Variants in HKDC1 observed in about 807,000 individuals in gnomAD.
HKDC1 encodes hexokinase domain containing 1.
A neutral mutation model predicts 96.6 loss-of-function variants in HKDC1; 66 were observed. That is an observed-to-expected ratio of 0.68 (90% CI 0.56 to 0.84). The LOEUF (loss-of-function observed/expected upper bound fraction) is 0.84, where lower values mean the gene tolerates loss of function less well. HKDC1 is among the 40% of genes least tolerant of loss of function. The pLI is 0.00. For synonymous variants in HKDC1, 466 were observed against 473.1 expected (o/e 0.98, Z 0.20); for missense variants, 1,211 against 1,208.1 (o/e 1.00, Z -0.04).
intron 10 of HKDC1, among the ~76,000 whole-genome samples, chr10:69,249,504 T>G (rs1843601300): frequency 6.6e-6 from 1 of 152,194 alleles, no homozygotes. Flanking sequence ...TTTTTATTTT[T>G]ATTTTTTTTG....
chr10:69,265,196 T>G, intron 16 of HKDC1: 1 of 190,618 alleles, frequency 5.2e-6, no homozygotes, highest in South Asian at 1.1e-4. Flanking sequence ...GTGCGAGAGG[T>G]GGTGTGAAAA....
rs1179731003 is a variant in HKDC1, at chr10:69,250,539, G to A, written c.1723G>A (p.Asp575Asn). 6.2e-7 allele frequency: 1 copy of A among 1,614,030 alleles called. No individual in the cohort carries two copies. The change falls in exon 12 of 18, where the codon GAT becomes AAT. Residue 575 changes from aspartate to asparagine, a missense_variant. Asp to Asn is a conservative substitution (Grantham distance 23). Transcript: ENST00000354624. ...IMQGTGEELF[D>N]HIVQCIADFL... ...GCTCTCTCTCTCTCTGCAGCTCTTT[G>A]ATCACATTGTGCAGTGCATCGCCGA... is the stretch of plus-strand genomic sequence containing the variant.
intron 12 of HKDC1, among the ~76,000 whole-genome samples, chr10:69,251,676 T>G (rs897894341): frequency 6.6e-6 from 1 of 152,194 alleles, no homozygotes; most frequent in Non-Finnish European, 1.5e-5. Context: ...CCTTTGTAGT[T>G]TTCAGAGTAA....
chr10:69,230,849 C>A (rs1277698493), intron 2 of HKDC1, among the ~76,000 whole-genome samples: 1 of 152,132 alleles, frequency 6.6e-6, no homozygotes, highest in Non-Finnish European at 1.5e-5. Flanking sequence ...GAACTCTTGG[C>A]AAGGGATTAA....
At chr10:69,224,665 G>A (rs10998653) in intron 1 of HKDC1, among the ~76,000 whole-genome samples, 4 of 152,326 alleles carry the variant, frequency 2.6e-5, no homozygotes, top group East Asian at 1.9e-4. Flanking sequence ...GTCAAAGAGC[G>A]GAATTTTTTA....
chr10:69,234,392 G>GT (rs1284287023), intron 4 of HKDC1, among the ~76,000 whole-genome samples: 4 of 152,194 alleles, frequency 2.6e-5, no homozygotes, highest in African/African-American at 9.6e-5. Context: ...TGAGCCTCTT[G>GT]TTTTCTCTTT....
intron 7 of HKDC1, 58 bp from the exon 8 acceptor site, chr10:69,246,021 G>C: frequency 6.3e-7 from 1 of 1,594,638 alleles, no homozygotes; most frequent in Non-Finnish European, 8.6e-7. Context: ...TGGTCTTCGG[G>C]AAATGATGCA....
chr10:69,257,382 C>T lies in HKDC1; in HGVS notation c.1988C>T (p.Thr663Ile), dbSNP rs1843736885. The T allele has an allele frequency of 3.1e-6, 5 of 1,614,036 alleles. No individual in the cohort carries two copies. Among genetic ancestry groups the T allele is most frequent in the Non-Finnish European group, 4.2e-6 (5 of 1,179,940 alleles). Reference protein sequence around the residue: ...VVNDTVGTMMTCGYEDPNCEI... With the variant: ...VVNDTVGTMMICGYEDPNCEI... Reference sequence around the variant, plus strand: ...AATGATACAGTGGGGACCATGATGACCTGTGGCTATGAAGATCCTAATTGT... The same window carrying T: ...AATGATACAGTGGGGACCATGATGATCTGTGGCTATGAAGATCCTAATTGT... The change falls in exon 14 of 18, where the codon ACC (threonine) becomes ATC (isoleucine). Residue 663 changes from threonine to isoleucine, a missense_variant. By Grantham distance (89) the Thr-to-Ile change is moderately conservative. Transcript: ENST00000354624.
rs114909334 is a variant in HKDC1, at chr10:69,258,717, A to G, written c.2033-59A>G. The G allele has an allele frequency of 6.8e-3, 10,561 of 1,554,364 alleles. 421 individuals carry two copies. The African/African-American group carries it at 0.1, about 15-fold the overall frequency. Reference sequence around the variant, plus strand: ...AAATTCTTATTTGCTGCACTCTGCCACCTTTCTAAAACCTGGTGATGTCTT... The same window carrying G: ...AAATTCTTATTTGCTGCACTCTGCCGCCTTTCTAAAACCTGGTGATGTCTT... On this transcript the variant is annotated intron_variant, in intron 14 of 17. Coordinates refer to ENST00000354624, the MANE Select transcript of HKDC1 (RefSeq NM_025130.4).
intron 12 of HKDC1, among the ~76,000 whole-genome samples, chr10:69,252,820 C>T (rs1180852938): frequency 1.3e-5 from 2 of 151,642 alleles, no homozygotes; most frequent in Non-Finnish European, 2.9e-5. Context: ...CTATTAAAAA[C>T]AAAAACAAAA....
rs1843585562 is a variant in HKDC1, at chr10:69,248,654, T to G, written c.1496T>G (p.Leu499Arg). The G allele has an allele frequency of 1.2e-6, 2 of 1,614,132 alleles. No individual in the cohort carries two copies. The highest frequency in any genetic ancestry group is 1.7e-6 in the Non-Finnish European group (2 of 1,180,012). The part of the protein sequence containing the change: ...AKMRAELEYG[L>R]KKKSHGLATV... The stretch of plus-strand genomic sequence containing the variant: ...ATGCGGGCTGAGCTGGAGTATGGGC[T>G]GAAGAAGAAGAGCCACGGGCTGGCC... Residue 499 changes from leucine (L) to arginine (R), a missense_variant, in exon 10 of 18, where the codon CTG (leucine) becomes CGG (arginine). Leu to Arg is a moderately radical substitution (Grantham distance 102, BLOSUM62 -2). Coordinates refer to ENST00000354624, the MANE Select transcript of HKDC1 (RefSeq NM_025130.4).
intron 7 of HKDC1, among the ~76,000 whole-genome samples, chr10:69,245,801 T>G (rs988144897): frequency 2.0e-5 from 3 of 151,982 alleles, no homozygotes; most frequent in Non-Finnish European, 4.4e-5. Flanking sequence ...AGCATCTGAG[T>G]GTGAAATTTG....
intron 2 of HKDC1, among the ~76,000 whole-genome samples, chr10:69,230,441 C>A (rs1159815270): frequency 6.6e-6 from 1 of 152,168 alleles, no homozygotes; most frequent in Non-Finnish European, 1.5e-5. Context: ...TCTCCGCATT[C>A]AGCCACTGTG....
intron 15 of HKDC1, among the ~76,000 whole-genome samples, chr10:69,259,366 T>A (rs1208131650): frequency 6.6e-6 from 1 of 152,230 alleles, no homozygotes; most frequent in Admixed American, 6.5e-5. Context: ...CCACCTGTGA[T>A]GGATGAGAGT....
intron 1 of HKDC1, among the ~76,000 whole-genome samples, chr10:69,221,467 TG>T (rs1205569875): frequency 6.6e-6 from 1 of 152,024 alleles, no homozygotes; most frequent in African/African-American, 2.4e-5. Context: ...GTCACGGCCC[TG>T]GGCAAAAAGC....
At position 69,243,949 on chromosome 10, in the gene HKDC1, A is replaced by G. The variant is rs187546610; in HGVS notation, c.875+584A>G. 1.5e-3 allele frequency among the ~76,000 whole-genome samples: 235 copies of G among 152,310 alleles called. 1 individual carries two copies. Among genetic ancestry groups the G allele is most frequent in the Non-Finnish European group, 2.1e-3 (145 of 68,030 alleles). On this transcript the variant is annotated intron_variant, in intron 7 of 17. Transcript: ENST00000354624. Reference sequence around the variant, plus strand: ...CAGTATTTGTGGGTTACGTATGTGCATGATAGGCACTGAAGATAAGAGCAC... The same window carrying G: ...CAGTATTTGTGGGTTACGTATGTGCGTGATAGGCACTGAAGATAAGAGCAC...
At chr10:69,247,325 G>A in intron 8 of HKDC1, 35 bp from the exon 9 acceptor site, 1 of 1,426,836 alleles carries the variant, frequency 7.0e-7, no homozygotes, top group Non-Finnish European at 9.9e-7. Context: ...GTGGGATGGA[G>A]AAGTGTCGTT....
intron 1 of HKDC1, among the ~76,000 whole-genome samples, chr10:69,223,438 A>G (rs1352632193): frequency 6.6e-6 from 1 of 152,134 alleles, no homozygotes; most frequent in Non-Finnish European, 1.5e-5. Context: ...AGATTTCTTC[A>G]TTATCATCAT....
intron 4 of HKDC1, among the ~76,000 whole-genome samples, chr10:69,233,685 T>G (rs1035612832): frequency 6.6e-6 from 1 of 150,890 alleles, no homozygotes; most frequent in Non-Finnish European, 1.5e-5. Flanking sequence ...GATCATGAGG[T>G]CAGGAGATCG....
Sources: gnomAD v4.1 joint callset for allele counts (sites outside exome capture counted in the v4.1 genomes callset) on GRCh38, gnomAD v4.1.1 for gene constraint, MANE v1.5 for transcripts, NCBI Gene and HGNC (gene_info 2026-07-23, HGNC 2026-07-21) for gene names.